FGF13: variants seen among roughly 807,000 people sequenced by gnomAD.
FGF13 encodes the protein fibroblast growth factor homologous factor 2.
A neutral mutation model predicts 19.5 loss-of-function variants in FGF13; 2 were observed. That is an observed-to-expected ratio of 0.10 (90% CI 0.04 to 0.32). The LOEUF (loss-of-function observed/expected upper bound fraction) is 0.32. Among genes scored for constraint, FGF13 ranks in the 10% least tolerant of loss-of-function variants. FGF13 has a pLI of 1.00. For synonymous variants in FGF13, 72 were observed against 76.9 expected (o/e 0.94, Z 0.33); for missense variants, 113 against 192.7 (o/e 0.59, Z 2.45).
At chrX:138,782,748 T>G (rs1168894765) in intron 3 of FGF13, among the ~76,000 whole-genome samples, 15 of 98,407 alleles carry the variant, frequency 1.5e-4, no homozygotes, top group African/African-American at 5.3e-4. Flanking sequence ...CCAAGGTAAT[T>G]TACAGATTCA....
downstream of FGF13, among the ~76,000 whole-genome samples, chrX:138,856,249 A>C (rs2091257261): frequency 9.0e-6 from 1 of 111,460 alleles, no homozygotes; most frequent in Non-Finnish European, 1.9e-5. Context: ...GTAGAATATA[A>C]ATATGAGTGC....
chrX:138,790,421 G>A (rs1286655019), intron 3 of FGF13, among the ~76,000 whole-genome samples: 1 of 110,739 alleles, frequency 9.0e-6, no homozygotes, highest in Non-Finnish European at 1.9e-5. Flanking sequence ...TGGCACTGGA[G>A]CAAACCTGAA....
At chrX:139,044,794 G>GC (rs1463971493) in intron 1 of FGF13, among the ~76,000 whole-genome samples, 2 of 111,717 alleles carry the variant, frequency 1.8e-5, no homozygotes, top group East Asian at 5.6e-4. Flanking sequence ...GCCTCCAATG[G>GC]CCCTGAGCAG....
chrX:138,754,042 A>C (rs1228943568), intron 3 of FGF13, among the ~76,000 whole-genome samples: 1 of 112,135 alleles, frequency 8.9e-6, no homozygotes. Context: ...AGTGGTAACA[A>C]ATAGTTTCCA....
At chrX:139,098,844 C>T (rs1292327693) in intron 1 of FGF13, among the ~76,000 whole-genome samples, 1 of 111,583 alleles carries the variant, frequency 9.0e-6, no homozygotes, top group Non-Finnish European at 1.9e-5. Flanking sequence ...ATGCAATATA[C>T]CCATGTAACA....
chrX:138,667,850 T>C (rs2089568862), intron 3 of FGF13: 2 of 285,048 alleles, frequency 7.0e-6, no homozygotes, highest in Non-Finnish European at 7.0e-6. Flanking sequence ...ATGTGGGAAA[T>C]GGATGGCTCG....
chrX:139,022,552 G>A (rs2092182099), intron 1 of FGF13, among the ~76,000 whole-genome samples: 2 of 110,909 alleles, frequency 1.8e-5, no homozygotes, highest in African/African-American at 6.5e-5. Context: ...TTCCTTTGGT[G>A]AAATTGTTTG....
intron 3 of FGF13, among the ~76,000 whole-genome samples, chrX:138,667,133 T>C (rs2089556249): frequency 9.3e-6 from 1 of 107,769 alleles, no homozygotes; most frequent in African/African-American, 3.3e-5. Flanking sequence ...GTTATATATG[T>C]ATATTATGTA....
chrX:138,691,478 T>A (rs1200631898), intron 3 of FGF13, among the ~76,000 whole-genome samples: 1 of 111,960 alleles, frequency 8.9e-6, no homozygotes, highest in Non-Finnish European at 1.9e-5. Flanking sequence ...TTCTGAAAGC[T>A]ATGACTTTCA....
intron 1 of FGF13, among the ~76,000 whole-genome samples, chrX:138,895,648 C>A (rs2091500476): frequency 1.8e-5 from 2 of 111,693 alleles, no homozygotes; most frequent in Admixed American, 1.9e-4. Flanking sequence ...AGCAATTTCA[C>A]ACGGGTATAT....
At chrX:138,958,667 G>C (rs2091853701) in intron 1 of FGF13, among the ~76,000 whole-genome samples, 1 of 111,511 alleles carries the variant, frequency 9.0e-6, no homozygotes. Context: ...TTTTTTAGTT[G>C]GTAGGCTATT....
chrX:139,201,941 G>C (rs1354947782), intron 1 of FGF13, among the ~76,000 whole-genome samples: 6 of 112,055 alleles, frequency 5.4e-5, no homozygotes, highest in Non-Finnish European at 1.1e-4. Flanking sequence ...AAGTTGCCTT[G>C]TAAAATTAAT....
intron 1 of FGF13, among the ~76,000 whole-genome samples, chrX:138,876,961 A>G (rs1277503631): frequency 8.9e-6 from 1 of 112,603 alleles, no homozygotes; most frequent in African/African-American, 3.2e-5. Context: ...TGTCGGTACT[A>G]TTTCTTCCAT....
chrX:139,133,063 G>C (rs969023115), intron 1 of FGF13, among the ~76,000 whole-genome samples: 1 of 111,099 alleles, frequency 9.0e-6, no homozygotes, highest in Non-Finnish European at 1.9e-5. Context: ...GTTACACAAA[G>C]GATTTCTTAC....
intron 1 of FGF13, among the ~76,000 whole-genome samples, chrX:138,887,056 T>C (rs757794154): frequency 2.2e-4 from 25 of 111,633 alleles, no homozygotes; most frequent in African/African-American, 7.8e-4. Context: ...GTTAAGATCA[T>C]GGGTTGTGGC....
intron 3 of FGF13, among the ~76,000 whole-genome samples, chrX:138,807,425 C>T (rs865946350): frequency 9.0e-6 from 1 of 111,075 alleles, no homozygotes; most frequent in East Asian, 2.8e-4. Context: ...GCCTGCCCTA[C>T]AAGAGCTCCT....
At position 138,810,604 on chromosome X, in the gene FGF13, G is replaced by T. The variant is rs148493946; in HGVS notation, c.217+46908C>A. 7.6e-3 allele frequency among the ~76,000 whole-genome samples: 846 copies of T among 111,764 alleles called. 4 individuals are homozygous for T. Among genetic ancestry groups the T allele is most frequent in the African/African-American group, 0.026 (785 of 30,757 alleles). ...ACAAAATTGACAAATGGGATCTAATGAAACTAAAGAACTTCTGCACAGCTA... is the reference window on the plus strand; with the variant it reads ...ACAAAATTGACAAATGGGATCTAATTAAACTAAAGAACTTCTGCACAGCTA... On this transcript the variant is annotated intron_variant, in intron 3 of 6. Coordinates refer to the FGF13 transcript ENST00000436198.
intron 1 of FGF13, among the ~76,000 whole-genome samples, chrX:138,879,056 C>G (rs886986876): frequency 6.3e-5 from 7 of 111,058 alleles, no homozygotes; most frequent in Non-Finnish European, 1.3e-4. Context: ...ACATCTTTGT[C>G]ACATGAGTAG....
chrX:138,665,444 G>A (rs1447713965), intron 3 of FGF13, among the ~76,000 whole-genome samples: 1 of 111,479 alleles, frequency 9.0e-6, no homozygotes, highest in Non-Finnish European at 1.9e-5. Context: ...TGTTTCCTGT[G>A]CCTTTTAAGC....
Sources: gnomAD v4.1 joint callset for allele counts (sites outside exome capture counted in the v4.1 genomes callset) on GRCh38, gnomAD v4.1.1 for gene constraint, MANE v1.5 for transcripts, NCBI Gene and HGNC (gene_info 2026-07-23, HGNC 2026-07-21) for gene names.